Variants in ITPK1 observed in about 807,000 individuals in gnomAD.
The protein encoded by ITPK1 is inositol-tetrakisphosphate 1-kinase.
ITPK1 carries 21 observed loss-of-function variants against 45.3 expected under a neutral mutation model. The ratio of observed to expected loss-of-function variants is 0.46; its 90% CI spans 0.33 to 0.67. The LOEUF (loss-of-function observed/expected upper bound fraction) is 0.67, where lower values mean the gene tolerates loss of function less well. ITPK1 is among the 30% of genes least tolerant of loss of function. The pLI, the probability that ITPK1 is intolerant of heterozygous loss-of-function variation, is 0.02. For missense variants in ITPK1, 474 were observed against 573.5 expected, an observed-to-expected ratio of 0.83 and a Z score of 1.77; for synonymous variants, 258 against 253.6, an observed-to-expected ratio of 1.02 and a Z score of -0.16.
At chr14:92,944,221 T>G (rs1887571963) in intron 10 of ITPK1, among the ~76,000 whole-genome samples, 4 of 152,020 alleles carry the variant, frequency 2.6e-5, no homozygotes, top group Admixed American at 2.0e-4. Flanking sequence ...TCCTGTGGGG[T>G]GCAGGAGAAC....
rs1480953649 is a variant in ITPK1 at position 93,012,968 on chromosome 14, C to T, written c.246+3708G>A. Among the ~76,000 whole-genome samples the T allele has an allele frequency of 2.6e-5, 4 of 152,184 alleles. No individual in the cohort carries two copies. Among genetic ancestry groups the T allele is most frequent in the Non-Finnish European group, 5.9e-5 (4 of 68,022 alleles). On this transcript the variant is annotated intron_variant, in intron 4 of 10. Transcript: ENST00000267615. This position sits in a 1 kb window ranked among gnomAD's most constrained non-coding sequence, Gnocchi z 4.9. ...CCTCCCTTCCCACCCTGCACCCACA[C>T]CTGTCAGGTGGCTCTGGGCGCCACA...
intron 3 of ITPK1, among the ~76,000 whole-genome samples, chr14:93,019,205 C>T (rs796868156): frequency 4.6e-5 from 7 of 152,300 alleles, no homozygotes; most frequent in African/African-American, 1.7e-4. Context: ...AGCGACGCAT[C>T]CGGGCCCACA....
intron 3 of ITPK1, among the ~76,000 whole-genome samples, chr14:93,041,026 A>C (rs1181177694): frequency 1.3e-5 from 2 of 152,192 alleles, no homozygotes. Context: ...ACTCCCCATC[A>C]ATACAGAGTG....
intron 2 of ITPK1, among the ~76,000 whole-genome samples, chr14:93,114,174 G>A (rs1353740030): frequency 6.6e-6 from 1 of 152,266 alleles, no homozygotes; most frequent in Non-Finnish European, 1.5e-5. Flanking sequence ...CTTGCATTGA[G>A]AAAAGGGCTT....
chr14:93,090,271 T>C lies in ITPK1; in HGVS notation c.96-13652A>G, dbSNP rs559063201. On this transcript the variant is annotated intron_variant, in intron 2 of 10. Transcript: ENST00000267615. ...CACTTCTGACCACCTGCCCATGCTG[T>C]CCGCCCCTGGAACGCCCCCATCCCT... 7.9e-5 allele frequency among the ~76,000 whole-genome samples: 12 copies of C among 152,148 alleles called. No homozygotes were observed. The East Asian group carries it at 2.3e-3, about 29-fold the overall frequency.
chr14:92,978,515 C>A (rs1595105020), intron 5 of ITPK1, among the ~76,000 whole-genome samples: 1 of 152,066 alleles, frequency 6.6e-6, no homozygotes, highest in South Asian at 2.1e-4. Flanking sequence ...ACCTTCACAG[C>A]AGTCCCTCCC....
chr14:92,945,109 C>G (rs1363857895), intron 10 of ITPK1, among the ~76,000 whole-genome samples: 1 of 152,270 alleles, frequency 6.6e-6, no homozygotes, highest in African/African-American at 2.4e-5. Flanking sequence ...CCTCCGCCTC[C>G]TCCAGACAGG....
At chr14:93,057,304 G>C (rs1890248276) in intron 3 of ITPK1, among the ~76,000 whole-genome samples, 1 of 151,118 alleles carries the variant, frequency 6.6e-6, no homozygotes, top group Admixed American at 6.6e-5. Flanking sequence ...CCAACGTGGA[G>C]AGCTAGCTGT....
At chr14:92,968,790 G>A (rs551792344) in intron 5 of ITPK1, among the ~76,000 whole-genome samples, 22 of 152,234 alleles carry the variant, frequency 1.4e-4, no homozygotes, top group African/African-American at 3.6e-4. Flanking sequence ...CACTCTGAGC[G>A]GCAGACACAC....
At chr14:93,017,700 G>A (rs527953571) in intron 3 of ITPK1, among the ~76,000 whole-genome samples, 2 of 152,364 alleles carry the variant, frequency 1.3e-5, no homozygotes, top group South Asian at 2.1e-4. Context: ...CCTTAGCAGA[G>A]GCCAGAGAAG....
At chr14:93,114,406 C>T (rs1892860779) in intron 2 of ITPK1, among the ~76,000 whole-genome samples, 1 of 152,234 alleles carries the variant, frequency 6.6e-6, no homozygotes, top group African/African-American at 2.4e-5. Flanking sequence ...CCAGCCACTC[C>T]CTAGCTGCGG....
chr14:92,960,260 A>G (rs1884997405), intron 7 of ITPK1, among the ~76,000 whole-genome samples: 1 of 152,108 alleles, frequency 6.6e-6, no homozygotes, highest in Non-Finnish European at 1.5e-5. Context: ...GCTTCCCCTG[A>G]GCGTGCTGAC....
intron 3 of ITPK1, among the ~76,000 whole-genome samples, chr14:93,074,624 G>C (rs1161187168): frequency 6.6e-6 from 1 of 152,196 alleles, no homozygotes; most frequent in Non-Finnish European, 1.5e-5. Flanking sequence ...CCTCCCAAGT[G>C]GCTGGGCGGA....
chr14:93,099,649 G>A (rs934627644), intron 2 of ITPK1, among the ~76,000 whole-genome samples: 1 of 152,206 alleles, frequency 6.6e-6, no homozygotes, highest in East Asian at 1.9e-4. Context: ...AGGTTTAACT[G>A]AGGCACAAGG....
chr14:93,010,082 A>G (rs1383153439), intron 4 of ITPK1, among the ~76,000 whole-genome samples: 2 of 152,196 alleles, frequency 1.3e-5, no homozygotes, highest in Non-Finnish European at 2.9e-5. Flanking sequence ...TTCTTAGAAA[A>G]TAGGGAGCCC....
Position 93,096,951 on chromosome 14 carries a change from A to G in ITPK1, c.95+18118T>C, listed in dbSNP as rs191207137. Among the ~76,000 whole-genome samples, 95 of 152,300 alleles carry G rather than the reference A, an allele frequency of 6.2e-4. 1 individual carries two copies. The highest frequency in any genetic ancestry group is 2.0e-3 in the African/African-American group (85 of 41,560). Reference sequence around the variant, plus strand: ...AGCCTTCCCTCTGTAAGCAAAAGCCAAGTTCCTGAAGAACCAGGACTGACA... The same window carrying G: ...AGCCTTCCCTCTGTAAGCAAAAGCCGAGTTCCTGAAGAACCAGGACTGACA... On this transcript the variant is annotated intron_variant, in intron 2 of 10. Transcript: ENST00000267615.
At chr14:93,043,210 A>C (rs1229527453) in intron 3 of ITPK1, among the ~76,000 whole-genome samples, 2 of 152,194 alleles carry the variant, frequency 1.3e-5, no homozygotes, top group East Asian at 3.8e-4. Context: ...ACACAGAACC[A>C]GAAGCTGGGG....
intron 2 of ITPK1, among the ~76,000 whole-genome samples, chr14:93,088,941 C>A (rs959261304): frequency 6.6e-6 from 1 of 152,262 alleles, no homozygotes; most frequent in African/African-American, 2.4e-5. Flanking sequence ...CAGGCCCGCT[C>A]TCCCCAAATC....
chr14:93,025,801 C>G (rs1888706602), intron 3 of ITPK1, among the ~76,000 whole-genome samples: 1 of 152,192 alleles, frequency 6.6e-6, no homozygotes, highest in Non-Finnish European at 1.5e-5. Flanking sequence ...CAGTCATGCT[C>G]ATTTATTTTT....
Sources: gnomAD v4.1 joint callset for allele counts (sites outside exome capture counted in the v4.1 genomes callset) on GRCh38, gnomAD v4.1.1 for gene constraint, Gnocchi (gnomAD v3.1) non-coding constraint, MANE v1.5 for transcripts, NCBI Gene and HGNC (gene_info 2026-07-23, HGNC 2026-07-21) for gene names.